The following CRISP2 variants were observed in gnomAD, a reference collection of about 807,000 sequenced individuals.
CRISP2 encodes the protein cysteine rich secretory protein 2.
A neutral mutation model predicts 31.7 loss-of-function variants in CRISP2; 29 were observed. The ratio of observed to expected loss-of-function variants is 0.92; its 90% confidence interval spans 0.68 to 1.25. The LOEUF (loss-of-function observed/expected upper bound fraction) is 1.25. Among genes scored for constraint, CRISP2 ranks in the 50% most tolerant of loss-of-function variants. The pLI is 0.00. For missense variants in CRISP2, 318 were observed against 286.5 expected, an observed-to-expected ratio of 1.11 and a Z score of -0.79; for synonymous variants, 111 against 101.4, an observed-to-expected ratio of 1.09 and a Z score of -0.57.
rs1164540990 is a variant in CRISP2 at position 49,699,682 on chromosome 6, C to T, written c.271+122G>A. On this transcript the variant is annotated intron_variant, in intron 6 of 9. Transcript: ENST00000339139. Reference sequence around the variant, plus strand: ...CCTCTGTATACAGATACTTTGACTTCAAAAAGACAGCAGTATAAGTAACAT... The same window carrying T: ...CCTCTGTATACAGATACTTTGACTTTAAAAAGACAGCAGTATAAGTAACAT... The T allele has an allele frequency of 8.6e-6, 6 of 694,560 alleles. No homozygotes were observed. In the South Asian group the frequency reaches 1.2e-4, roughly 14 times the overall value. The allele number at this position is 694,560 out of a possible 1,614,324, so 43.0% of individuals were successfully genotyped here.
upstream of CRISP2, among the ~76,000 whole-genome samples, chr6:49,713,937 C>T (rs1768443368): frequency 6.6e-6 from 1 of 152,176 alleles, no homozygotes; most frequent in Non-Finnish European, 1.5e-5. Context: ...TTGCAGTGCG[C>T]TGCCAGTGTC....
chr6:49,688,387 A>T (rs1763950365), downstream of CRISP2, among the ~76,000 whole-genome samples: 1 of 152,184 alleles, frequency 6.6e-6, no homozygotes, highest in Admixed American at 6.5e-5. Context: ...CAACTGGGAA[A>T]TATACAGAAT....
downstream of CRISP2, among the ~76,000 whole-genome samples, chr6:49,691,778 C>A (rs1764065990): frequency 6.6e-6 from 1 of 151,816 alleles, no homozygotes. Flanking sequence ...TAGAAATTTC[C>A]TTTTTGGAAG....
At chr6:49,685,421 C>T in the CRISP2 span, among the ~76,000 whole-genome samples, 2 of 152,176 alleles carry the variant, frequency 1.3e-5, no homozygotes, top group East Asian at 3.9e-4. Flanking sequence ...TGGTATTTCC[C>T]TGACAGCTCT....
Position 49,699,906 on chromosome 6 carries a change from A to T in CRISP2, c.184-15T>A. The T allele has an allele frequency of 6.2e-7, 1 of 1,608,728 alleles. No homozygotes were observed. The highest frequency in any genetic ancestry group is 1.7e-4 in the Middle Eastern group (1 of 6,040). On this transcript the variant is annotated splice_polypyrimidine_tract_variant and intron_variant, in intron 5 of 9. Coordinates refer to ENST00000339139, the MANE Select transcript of CRISP2 (RefSeq NM_003296.4). ...CTGCTCCATTCCTAAACGTCACAAG[A>T]AAACAAAATACACTTAATGATTCAG...
chr6:49,688,924 A>T (rs772282145), downstream of CRISP2, among the ~76,000 whole-genome samples: 31 of 152,046 alleles, frequency 2.0e-4, no homozygotes, highest in Non-Finnish European at 3.8e-4. Context: ...GCTGGAGTGC[A>T]ATGGCGCCGT....
chr6:49,703,908 A>G (rs1766541140), intron 4 of CRISP2, among the ~76,000 whole-genome samples: 1 of 147,214 alleles, frequency 6.8e-6, no homozygotes, highest in South Asian at 2.2e-4. Flanking sequence ...GTCTCTAGAG[A>G]GGCCAGGAAA....
intron 4 of CRISP2, among the ~76,000 whole-genome samples, chr6:49,701,945 A>ATT (rs1766013242): frequency 1.7e-3 from 2 of 1,186 alleles, no homozygotes; most frequent in Non-Finnish European, 2.8e-3. Context: ...TAATATATGT[A>ATT]ATATAATATA....
chr6:49,712,911 C>T (rs943389777), intron 1 of CRISP2, among the ~76,000 whole-genome samples: 6 of 152,150 alleles, frequency 3.9e-5, no homozygotes, highest in African/African-American at 1.4e-4. Context: ...AACCCCTTAT[C>T]TAGGACTTCA....
Position 49,700,691 on chromosome 6 carries a change from G to GT in CRISP2, c.159dup (p.Pro54ThrfsTer4). On this transcript the variant is annotated frameshift_variant, in exon 5 of 10. Coordinates refer to ENST00000339139, the MANE Select transcript of CRISP2 (RefSeq NM_003296.4). LOFTEE classifies it high-confidence loss of function. ...ACCATCTTTAGCATGTTACTGGCAG[G>GT]TGGAGAGACTGCTTTCCTTAGTTCA... 6.2e-7 allele frequency: 1 copy of GT among 1,609,648 alleles called. No individual in the cohort carries two copies. The highest frequency in any genetic ancestry group is 8.5e-7 in the Non-Finnish European group (1 of 1,176,466).
chr6:49,698,533 AGGTAATAAACATGCAAT>A (rs770467203), intron 6 of CRISP2, 26 bp from the exon 7 acceptor site: 25 of 1,584,272 alleles, frequency 1.6e-5, no homozygotes, highest in Non-Finnish European at 2.0e-5. Flanking sequence ...TTCATGAGCA[AGGTAATAAACATGCAAT>A]GGTAAAAGAA....
At chr6:49,690,377 T>C (rs360564), downstream of CRISP2, among the ~76,000 whole-genome samples, 89,676 of 151,842 alleles carry the variant, frequency 0.59, 27,090 homozygotes, top group East Asian at 0.8. Context: ...AGTAATTTCA[T>C]ATGAAACATT....
intron 1 of CRISP2, 83 bp from the exon 2 acceptor site, chr6:49,712,687 TA>T (rs1322506967): frequency 3.3e-5 from 5 of 152,232 alleles, no homozygotes; most frequent in Non-Finnish European, 5.9e-5. Flanking sequence ...GTCACAAACT[TA>T]AATTTTGACT....
chr6:49,693,493 C>T (rs986243414), intron 9 of CRISP2, among the ~76,000 whole-genome samples: 9 of 152,032 alleles, frequency 5.9e-5, no homozygotes, highest in Non-Finnish European at 1.2e-4. Flanking sequence ...GGACAATACG[C>T]CCTTTTCCTT....
chr6:49,698,501 C>T lies in CRISP2; in HGVS notation c.278G>A (p.Arg93Lys). The change falls in exon 7 of 10, where the codon AGA becomes AAA. Residue 93 changes from arginine (R) to lysine (K), a missense_variant. By Grantham distance (26) the Arg-to-Lys change is conservative. Transcript: ENST00000339139. ...SDPEDRKTST[R>K]CGENLYMSSD... ...TGACATATAGAGATTCTCACCACAT[C>T]TTGTACCTAAGGGGCAGATCATTCA... 1 of 1,606,980 alleles carries T rather than the reference C, an allele frequency of 6.2e-7. No individual in the cohort carries two copies. The highest frequency in any genetic ancestry group is 8.5e-7 in the Non-Finnish European group (1 of 1,177,956).
At chr6:49,699,117 T>C (rs1368903657) in intron 6 of CRISP2, among the ~76,000 whole-genome samples, 1 of 152,156 alleles carries the variant, frequency 6.6e-6, no homozygotes, top group African/African-American at 2.4e-5. Flanking sequence ...ATAAATTATT[T>C]GGGCATTTAC....
chr6:49,698,013 A>T, intron 7 of CRISP2, 56 bp from the exon 8 acceptor site: 2 of 1,359,152 alleles, frequency 1.5e-6, no homozygotes, highest in Non-Finnish European at 2.0e-6. Flanking sequence ...GATGAAAAAT[A>T]TTTAAAAAAG....
the CRISP2 span, among the ~76,000 whole-genome samples, chr6:49,684,480 T>C: frequency 6.6e-6 from 1 of 152,188 alleles, no homozygotes; most frequent in East Asian, 1.9e-4. Flanking sequence ...CTCACAGATA[T>C]GGAGGACCGA....
At chr6:49,706,727 C>A (rs1767096500) in intron 4 of CRISP2, among the ~76,000 whole-genome samples, 1 of 152,130 alleles carries the variant, frequency 6.6e-6, no homozygotes, top group Admixed American at 6.6e-5. Context: ...AATAAGTTAT[C>A]CTCCTCTCCT....
Sources: allele counts gnomAD v4.1 joint callset (sites outside exome capture counted in the v4.1 genomes callset), GRCh38; gene constraint gnomAD v4.1.1; transcripts MANE v1.5; gene names NCBI Gene and HGNC (gene_info 2026-07-23, HGNC 2026-07-21).